The following VCAM1 variants were observed in gnomAD, a reference collection of about 807,000 sequenced individuals.
The protein encoded by VCAM1 is vascular cell adhesion molecule 1.
VCAM1 carries 41 observed loss-of-function variants against 63.8 expected under a neutral mutation model. The observed-to-expected ratio is 0.64, with a 90% CI of 0.50 to 0.83. The LOEUF (loss-of-function observed/expected upper bound fraction) is 0.83, where lower values mean the gene tolerates loss of function less well. Ranked by LOEUF, VCAM1 falls within the 40% of genes least tolerant of loss-of-function variation. VCAM1 has a pLI of 0.00. For missense variants in VCAM1, 798 were observed against 875.5 expected (o/e 0.91, Z 1.12); for synonymous variants, 338 against 320.7 (o/e 1.05, Z -0.58).
chr1:100,732,382 A>C (rs778409868), intron 6 of VCAM1, 36 bp from the exon 7 acceptor site: 3 of 1,510,834 alleles, frequency 2.0e-6, no homozygotes, highest in Non-Finnish European at 2.7e-6. Context: ...CTCAGGGCAT[A>C]ATAGGTCAAG....
chr1:100,734,958 C>T (rs548222402), intron 8 of VCAM1, among the ~76,000 whole-genome samples, 190 bp downstream of exon 8: 7 of 152,240 alleles, frequency 4.6e-5, no homozygotes, highest in Admixed American at 6.5e-5. Context: ...ATTAATCATT[C>T]GTGACTGAGG....
intron 2 of VCAM1, 142 bp from the exon 3 acceptor site, chr1:100,722,878 T>A: frequency 1.1e-6 from 1 of 940,498 alleles, no homozygotes; most frequent in Non-Finnish European, 1.5e-6. Context: ...CCCCAAATCA[T>A]GAAAGGCTAT....
In VCAM1 at chr1:100,736,509, A is replaced by C. The variant is rs559998804; in HGVS notation, c.2060-1614A>C. On this transcript the variant is annotated intron_variant, in intron 8 of 8. Coordinates refer to ENST00000294728, the MANE Select transcript of VCAM1 (RefSeq NM_001078.4). ...ATTGTATTTGAAGGTTGCCCTGGCAACTACCTTGGCAGCAAATTTGTATTT... is the reference window on the plus strand; with the variant it reads ...ATTGTATTTGAAGGTTGCCCTGGCACCTACCTTGGCAGCAAATTTGTATTT... 5 of 152,304 alleles carry C rather than the reference A, an allele frequency of 3.3e-5. No homozygotes were observed. The East Asian group carries it at 9.6e-4, about 29-fold the overall frequency. The allele number at this position is 152,304 out of a possible 1,614,324, so 9.4% of individuals were successfully genotyped here.
Position 100,731,323 on chromosome 1 carries a change from G to A in VCAM1, c.1330G>A (p.Glu444Lys). 1.2e-6 allele frequency: 2 copies of A among 1,613,830 alleles called. No homozygotes were observed. Among genetic ancestry groups the A allele is most frequent in the Non-Finnish European group, 1.7e-6 (2 of 1,179,856 alleles). ...GCTGGAGATTGAATTACTTAAGGGG[G>A]AGACTATTCTGGAGAATATAGAGTT... ...DRLEIELLKG[E>K]TILENIEFLE... The change falls in exon 6 of 9, where the codon GAG becomes AAG. Residue 444 changes from glutamate (E) to lysine (K), a missense_variant. Physicochemically the swap from Glu to Lys is moderately conservative, Grantham distance 56 (BLOSUM62 1). Coordinates refer to ENST00000294728, the MANE Select transcript of VCAM1 (RefSeq NM_001078.4). This position sits in a 1 kb window ranked among gnomAD's most constrained non-coding sequence, Gnocchi z 4.2.
chr1:100,725,382 C>T (rs1004192963), intron 4 of VCAM1, among the ~76,000 whole-genome samples: 6 of 152,022 alleles, frequency 3.9e-5, no homozygotes, highest in African/African-American at 1.2e-4. Context: ...CACTTGGGCT[C>T]CTGCAAGATA....
At chr1:100,728,139 C>A (rs533927098) in intron 4 of VCAM1, among the ~76,000 whole-genome samples, 1 of 152,068 alleles carries the variant, frequency 6.6e-6, no homozygotes, top group African/African-American at 2.4e-5. Flanking sequence ...GAAGCCCATG[C>A]ACCCAGCCGG....
chr1:100,737,971 A>C (rs2100837757), intron 8 of VCAM1, 152 bp from the exon 9 acceptor site: 1 of 753,982 alleles, frequency 1.3e-6, no homozygotes, highest in East Asian at 2.6e-5. Flanking sequence ...TCAGACAAAC[A>C]TGCATCTTGG....
intron 7 of VCAM1, among the ~76,000 whole-genome samples, chr1:100,734,137 A>G (rs528327979): frequency 6.6e-6 from 1 of 152,306 alleles, no homozygotes; most frequent in South Asian, 2.1e-4. Context: ...TGGGGGAAAC[A>G]GCCCCCATGA....
chr1:100,729,811 G>C (rs188702136), intron 5 of VCAM1, among the ~76,000 whole-genome samples: 49 of 152,168 alleles, frequency 3.2e-4, no homozygotes, highest in Admixed American at 2.9e-3. Context: ...AAAAAATAAG[G>C]GAATAGGAAG....
intron 1 of VCAM1, 59 bp from the exon 2 acceptor site, chr1:100,720,414 AAGG>A (rs1332559200): frequency 6.5e-7 from 1 of 1,545,078 alleles, no homozygotes. Flanking sequence ...TACAGAGAAG[AAGG>A]AGGAGAATAC....
intron 2 of VCAM1, 71 bp from the exon 3 acceptor site, chr1:100,722,949 T>C: frequency 6.8e-7 from 1 of 1,467,780 alleles, no homozygotes; most frequent in Non-Finnish European, 9.1e-7. Flanking sequence ...ATTTGTATTG[T>C]GTTAAAGTGG....
chr1:100,730,615 C>T (rs145469345), intron 5 of VCAM1, among the ~76,000 whole-genome samples: 247 of 152,230 alleles, frequency 1.6e-3, no homozygotes, highest in African/African-American at 5.7e-3. Context: ...TACTGAGAGA[C>T]TGCACAGCTC....
rs1341246347 is a variant in VCAM1, at chr1:100,723,231, T to C, written c.552T>C (p.Pro184=). 1.9e-6 allele frequency: 3 copies of C among 1,613,022 alleles called. No homozygotes were observed. The highest frequency in any genetic ancestry group is 1.3e-5 in the African/African-American group (1 of 74,844). ...AGAGTTTGGAAGTAACCTTTACTCC[T>C]GTCATTGAGGATATTGGAAAAGTTC... ...ETKSLEVTFT[P]VIEDIGKVLV... Residue 184 remains proline, a synonymous_variant, in exon 3 of 9, where the codon CCT becomes CCC. Transcript: ENST00000294728.
Position 100,719,763 on chromosome 1 carries a change from A to G in VCAM1, c.-98A>G, listed in dbSNP as rs557660571. On this transcript the variant is annotated 5_prime_UTR_variant, in exon 1 of 9. Coordinates refer to ENST00000294728, the MANE Select transcript of VCAM1 (RefSeq NM_001078.4). Reference sequence around the variant, plus strand: ...CTCCGCGGTATCTGCATCGGGCCTCACTGGCTTCAGGAGCTGAATACCCTC... The same window carrying G: ...CTCCGCGGTATCTGCATCGGGCCTCGCTGGCTTCAGGAGCTGAATACCCTC... 3.2e-6 allele frequency: 4 copies of G among 1,253,330 alleles called. No individual in the cohort carries two copies. The highest frequency in any genetic ancestry group is 4.5e-6 in the Non-Finnish European group (4 of 892,058). The allele number at this position is 1,253,330 out of a possible 1,614,324, so 77.6% of individuals were successfully genotyped here. A position where few individuals can be genotyped will look rare whatever the true frequency, so the allele number is the denominator to read the frequency against.
chr1:100,730,514 G>C (rs543907133), intron 5 of VCAM1, among the ~76,000 whole-genome samples: 23 of 152,196 alleles, frequency 1.5e-4, no homozygotes, highest in South Asian at 8.3e-4. Context: ...TTGATTACAA[G>C]TATTATCTGA....
intron 4 of VCAM1, among the ~76,000 whole-genome samples, chr1:100,726,725 T>C (rs1660173821): frequency 6.6e-6 from 1 of 152,104 alleles, no homozygotes; most frequent in Non-Finnish European, 1.5e-5. Flanking sequence ...GTACTGGGGG[T>C]ACAGATATGA....
chr1:100,722,972 T>C (rs1660006333), intron 2 of VCAM1, 48 bp from the exon 3 acceptor site: 1 of 1,553,446 alleles, frequency 6.4e-7, no homozygotes, highest in Admixed American at 1.9e-5. Context: ...AGAGACCTTA[T>C]ATCACATTAG....
chr1:100,719,979 T>G, intron 1 of VCAM1, 55 bp downstream of exon 1: 1 of 1,584,654 alleles, frequency 6.3e-7, no homozygotes, highest in Non-Finnish European at 8.6e-7. Flanking sequence ...TTAGCCCTGG[T>G]TTTGGCTTCA....
At position 100,732,314 on chromosome 1, in the gene VCAM1, T is replaced by G. The variant is rs3917061; in HGVS notation, c.1526-104T>G. ...TGGTGAATTATCAAGGTTTACAAAC[T>G]CTTTGAGTCTGCTGAATCCATAGCC... is the stretch of plus-strand genomic sequence containing the variant. On this transcript the variant is annotated intron_variant, in intron 6 of 8. Transcript: ENST00000294728. 1.8e-3 allele frequency: 2,226 copies of G among 1,242,074 alleles called. 21 individuals carry two copies. The African/African-American group carries it at 0.028, about 16-fold the overall frequency. The allele number at this position is 1,242,074 out of a possible 1,614,324, so 76.9% of individuals were successfully genotyped here. A position where few individuals can be genotyped will look rare whatever the true frequency, so the allele number is the denominator to read the frequency against.
Sources: allele counts gnomAD v4.1 joint callset (sites outside exome capture counted in the v4.1 genomes callset), GRCh38; gene constraint gnomAD v4.1.1; non-coding constraint Gnocchi (gnomAD v3.1); transcripts MANE v1.5; gene names NCBI Gene and HGNC (gene_info 2026-07-23, HGNC 2026-07-21).